ARHGEF9: variants seen among roughly 807,000 people sequenced by gnomAD.
The protein encoded by ARHGEF9 is rho guanine nucleotide exchange factor 9.
ARHGEF9 carries 2 observed loss-of-function variants against 41.3 expected under a neutral mutation model. That is an observed-to-expected ratio of 0.05 (90% confidence interval 0.02 to 0.15). The LOEUF (loss-of-function observed/expected upper bound fraction) is 0.15. Among genes scored for constraint, ARHGEF9 ranks in the 10% least tolerant of loss-of-function variants. ARHGEF9 has a pLI of 1.00. For synonymous variants in ARHGEF9, 160 were observed against 154.4 expected (o/e 1.04, Z -0.27); for missense variants, 225 against 424.7 (o/e 0.53, Z 4.13).
chrX:63,731,843 G>C (rs782678313), intron 1 of ARHGEF9, among the ~76,000 whole-genome samples: 1 of 111,100 alleles, frequency 9.0e-6, no homozygotes, highest in Non-Finnish European at 1.9e-5. Flanking sequence ...CTACAGGCGT[G>C]AGCCACCGCA....
At chrX:63,753,962 G>A (rs2055816444) in intron 1 of ARHGEF9, among the ~76,000 whole-genome samples, 1 of 111,663 alleles carries the variant, frequency 9.0e-6, no homozygotes, top group Non-Finnish European at 1.9e-5. Flanking sequence ...TCTTTCCTAT[G>A]ATGTCAAATA....
At position 63,691,636 on chromosome X, in the gene ARHGEF9, G is replaced by T. The variant is rs186797518; in HGVS notation, c.582+5489C>A. Among the ~76,000 whole-genome samples, 148 of 110,562 alleles carry T rather than the reference G, an allele frequency of 1.3e-3. 1 individual carries two copies. Among genetic ancestry groups the T allele is most frequent in the Non-Finnish European group, 2.3e-3 (122 of 52,755 alleles). On this transcript the variant is annotated intron_variant, in intron 4 of 9. Coordinates refer to ENST00000671741, the MANE Select transcript of ARHGEF9 (RefSeq NM_001353921.2). Reference sequence around the variant, plus strand: ...ATATTGCTAAAATATACTACCAAAAGCAATCTACAGATTAAATGCAATCTC... The same window carrying T: ...ATATTGCTAAAATATACTACCAAAATCAATCTACAGATTAAATGCAATCTC...
intron 4 of ARHGEF9, among the ~76,000 whole-genome samples, chrX:63,684,182 A>G (rs2050838539): frequency 9.0e-6 from 1 of 111,077 alleles, no homozygotes; most frequent in East Asian, 2.8e-4. Context: ...ACAAATAAAC[A>G]AATAAACTAA....
chrX:63,743,168 A>G (rs782192381), intron 1 of ARHGEF9, among the ~76,000 whole-genome samples: 13 of 108,618 alleles, frequency 1.2e-4, no homozygotes, highest in African/African-American at 2.7e-4. Context: ...GTACCACTGC[A>G]CTCCAGCCTG....
chrX:63,761,404 A>G (rs1270819995), intron 1 of ARHGEF9, among the ~76,000 whole-genome samples: 1 of 112,078 alleles, frequency 8.9e-6, no homozygotes, highest in Non-Finnish European at 1.9e-5. Flanking sequence ...AGCACCTAAA[A>G]TAGTGCTTAG....
chrX:63,751,799 C>T (rs2055651470), intron 1 of ARHGEF9, among the ~76,000 whole-genome samples: 1 of 110,800 alleles, frequency 9.0e-6, no homozygotes, highest in Non-Finnish European at 1.9e-5. Context: ...TTCTTCATTC[C>T]TACCACCACA....
intron 2 of ARHGEF9, among the ~76,000 whole-genome samples, chrX:63,718,247 T>A (rs1360241479): frequency 2.7e-5 from 3 of 111,536 alleles, no homozygotes; most frequent in Non-Finnish European, 3.8e-5. Context: ...GAGAAGATAT[T>A]AATAGCACTA....
At chrX:63,668,787 C>T (rs2049752459) in intron 6 of ARHGEF9, among the ~76,000 whole-genome samples, 1 of 112,048 alleles carries the variant, frequency 8.9e-6, no homozygotes, top group Non-Finnish European at 1.9e-5. Flanking sequence ...TTGTTATTAC[C>T]CCAAAACCAG....
rs184537441 is a variant in ARHGEF9 at position 63,636,454 on chromosome X, C to G, written c.*1574G>C. On this transcript the variant is annotated 3_prime_UTR_variant, in exon 10 of 10. Transcript: ENST00000671741. ...AAGCAAAAAGCTGGCCAAAAGCGAG[C>G]CTGAGGGTAGCATCCCTGCCTCAGA... 9.4e-5 allele frequency: 11 copies of G among 117,282 alleles called. No individual in the cohort carries two copies. The highest frequency in any genetic ancestry group is 3.5e-4 in the African/African-American group (11 of 31,018). 9.7% of individuals were successfully genotyped at this position (117,282 alleles called of 1,213,427 possible). A position where few individuals can be genotyped will look rare whatever the true frequency, so the allele number is the denominator to read the frequency against.
intron 9 of ARHGEF9, 65 bp from the exon 10 acceptor site, chrX:63,638,274 C>G (rs1207562094): frequency 9.9e-7 from 1 of 1,010,418 alleles, no homozygotes; most frequent in Non-Finnish European, 1.4e-6. Flanking sequence ...TCTCAAATTA[C>G]CCAGTGACCA....
chrX:63,738,589 C>T (rs1281321712), intron 1 of ARHGEF9, among the ~76,000 whole-genome samples: 1 of 110,499 alleles, frequency 9.0e-6, no homozygotes, highest in Non-Finnish European at 1.9e-5. Context: ...CACTTCCCTG[C>T]CCCACTGCTT....
chrX:63,644,113 A>G (rs2047832071), intron 8 of ARHGEF9, 65 bp from the exon 9 acceptor site: 1 of 790,888 alleles, frequency 1.3e-6, no homozygotes. Flanking sequence ...TGTATAAATG[A>G]GTAAACTTTT....
At chrX:63,756,289 C>G (rs1484080760) in intron 1 of ARHGEF9, among the ~76,000 whole-genome samples, 1 of 111,907 alleles carries the variant, frequency 8.9e-6, no homozygotes, top group African/African-American at 3.3e-5. Context: ...CCTTTTTGCT[C>G]TTATATTATA....
intron 8 of ARHGEF9, 102 bp downstream of exon 8, chrX:63,655,392 T>C (rs1556334401): frequency 8.8e-7 from 1 of 1,141,106 alleles, no homozygotes; most frequent in Non-Finnish European, 1.2e-6. Context: ...TAAGTCAGTT[T>C]GCAACAGAAA....
At chrX:63,688,979 T>C (rs1488535286) in intron 4 of ARHGEF9, among the ~76,000 whole-genome samples, 2 of 111,659 alleles carry the variant, frequency 1.8e-5, no homozygotes, top group African/African-American at 6.5e-5. Context: ...CAAAAACCTG[T>C]AAAAGATACA....
At chrX:63,745,964 A>G (rs1386871028) in intron 1 of ARHGEF9, among the ~76,000 whole-genome samples, 5 of 112,008 alleles carry the variant, frequency 4.5e-5, no homozygotes. Context: ...CCTGTTTTAT[A>G]TAGAAGCTTC....
At chrX:63,735,367 G>A (rs781810380) in intron 1 of ARHGEF9, among the ~76,000 whole-genome samples, 7 of 111,339 alleles carry the variant, frequency 6.3e-5, no homozygotes, top group African/African-American at 2.3e-4. Flanking sequence ...AGGAGGAGGG[G>A]GCTAGAACTA....
chrX:63,680,889 AC>A (rs1556368371), intron 4 of ARHGEF9, among the ~76,000 whole-genome samples: 1 of 111,186 alleles, frequency 9.0e-6, no homozygotes, highest in East Asian at 2.8e-4. Context: ...AACAACAACA[AC>A]AACAAAAAAC....
At chrX:63,754,693 G>T in intron 1 of ARHGEF9, 1 of 946,213 alleles carries the variant, frequency 1.1e-6, no homozygotes, top group South Asian at 5.4e-5. Flanking sequence ...AGGAGAGGAG[G>T]AAGTAGGGTG....
Sources: allele counts gnomAD v4.1 joint callset (sites outside exome capture counted in the v4.1 genomes callset), GRCh38; gene constraint gnomAD v4.1.1; transcripts MANE v1.5; gene names NCBI Gene and HGNC (gene_info 2026-07-23, HGNC 2026-07-21).